Variants in NKAIN2 observed in about 807,000 individuals in gnomAD.
The protein encoded by NKAIN2 is sodium/potassium transporting ATPase interacting 2.
NKAIN2 carries 14 observed loss-of-function variants against 32.6 expected under a neutral mutation model. The observed-to-expected ratio is 0.43, with a 90% confidence interval of 0.28 to 0.67. The LOEUF is 0.67. Ranked by LOEUF, NKAIN2 falls within the 30% of genes least tolerant of loss-of-function variation. The pLI is 0.17. For synonymous variants in NKAIN2, 80 were observed against 87.2 expected (o/e 0.92, Z 0.46); for missense variants, 198 against 258.3 (o/e 0.77, Z 1.60).
At chr6:124,075,316 CA>C (rs1224300674) in intron 1 of NKAIN2, among the ~76,000 whole-genome samples, 12 of 152,090 alleles carry the variant, frequency 7.9e-5, no homozygotes, top group Admixed American at 7.2e-4. Flanking sequence ...TATAAAAAGA[CA>C]ACTGCTTCTT....
At chr6:124,432,016 A>C (rs568508707) in intron 3 of NKAIN2, among the ~76,000 whole-genome samples, 15 of 152,328 alleles carry the variant, frequency 9.8e-5, no homozygotes, top group African/African-American at 3.6e-4. Context: ...GGCTTTTAGA[A>C]ATACACAAAC....
intron 3 of NKAIN2, among the ~76,000 whole-genome samples, chr6:124,480,901 T>C (rs1777418698): frequency 6.6e-6 from 1 of 152,060 alleles, no homozygotes; most frequent in South Asian, 2.1e-4. Flanking sequence ...ACAACTGAAA[T>C]AAGATATATA....
chr6:124,523,052 A>G (rs964479648), intron 3 of NKAIN2, among the ~76,000 whole-genome samples: 3 of 100,302 alleles, frequency 3.0e-5, no homozygotes, highest in African/African-American at 5.9e-5. Flanking sequence ...CTGAGGCAGG[A>G]GAATGGCGTG....
At chr6:123,903,548 C>T (rs1774707574) in intron 1 of NKAIN2, among the ~76,000 whole-genome samples, 1 of 152,164 alleles carries the variant, frequency 6.6e-6, no homozygotes, top group Non-Finnish European at 1.5e-5. Flanking sequence ...AGAAAGTTGA[C>T]TCTGGCAACT....
At chr6:123,959,955 G>A (rs953250743) in intron 1 of NKAIN2, among the ~76,000 whole-genome samples, 3 of 150,342 alleles carry the variant, frequency 2.0e-5, no homozygotes, top group African/African-American at 7.4e-5. Flanking sequence ...GTGTGTGTGT[G>A]TGTGTGTGTG....
At chr6:124,265,894 T>A (rs891116948) in intron 1 of NKAIN2, among the ~76,000 whole-genome samples, 18 of 152,166 alleles carry the variant, frequency 1.2e-4, no homozygotes, top group African/African-American at 4.1e-4. Flanking sequence ...TGACATTGTT[T>A]CCTTCAAACA....
chr6:124,370,400 AAAG>A (rs1395675257), intron 3 of NKAIN2, among the ~76,000 whole-genome samples: 1 of 152,048 alleles, frequency 6.6e-6, no homozygotes, highest in Non-Finnish European at 1.5e-5. Flanking sequence ...AGAAGGGTAA[AAAG>A]AGGAGGATGA....
At chr6:124,333,686 C>CATAA (rs1280809592) in intron 2 of NKAIN2, among the ~76,000 whole-genome samples, 15 of 111,742 alleles carry the variant, frequency 1.3e-4, no homozygotes, top group African/African-American at 3.8e-4. Context: ...TAAATAAATA[C>CATAA]ATAAATAAAT....
intron 1 of NKAIN2, among the ~76,000 whole-genome samples, chr6:123,899,916 CACTTCACTAGA>C (rs1582741645): frequency 6.6e-6 from 1 of 152,122 alleles, no homozygotes; most frequent in East Asian, 1.9e-4. Context: ...TTGGAATTTG[CACTTCACTAGA>C]ACTGAGCCGA....
chr6:124,775,311 T>G (rs1778939126), intron 4 of NKAIN2, among the ~76,000 whole-genome samples: 1 of 152,220 alleles, frequency 6.6e-6, no homozygotes, highest in African/African-American at 2.4e-5. Context: ...CAAGCCATTC[T>G]GAACCTTCTT....
intron 1 of NKAIN2, among the ~76,000 whole-genome samples, chr6:124,167,448 A>G (rs889944423): frequency 5.3e-5 from 8 of 152,198 alleles, no homozygotes; most frequent in Admixed American, 2.6e-4. Context: ...TAGATATACA[A>G]TGATGTCATC....
chr6:124,021,200 T>A (rs1241304696), intron 1 of NKAIN2, among the ~76,000 whole-genome samples: 2 of 151,864 alleles, frequency 1.3e-5, no homozygotes, highest in Admixed American at 6.6e-5. Context: ...CAAGTACACA[T>A]TTAAAAAGTT....
chr6:124,375,394 T>G (rs903875687), intron 3 of NKAIN2, among the ~76,000 whole-genome samples: 6 of 147,728 alleles, frequency 4.1e-5, no homozygotes, highest in Non-Finnish European at 7.5e-5. Flanking sequence ...TATATATATG[T>G]ATATAAATTA....
intron 3 of NKAIN2, among the ~76,000 whole-genome samples, chr6:124,471,457 G>C (rs948830093): frequency 6.6e-6 from 1 of 152,000 alleles, no homozygotes; most frequent in Admixed American, 6.6e-5. Context: ...TATCTCATTA[G>C]TAAATCTCTG....
intron 6 of NKAIN2, among the ~76,000 whole-genome samples, chr6:124,820,950 G>A (rs1365523897): frequency 1.3e-5 from 2 of 152,104 alleles, no homozygotes; most frequent in Non-Finnish European, 2.9e-5. Context: ...GTTGAGGACT[G>A]CTGACATATA....
chr6:124,795,362 T>A (rs552274217), intron 5 of NKAIN2, among the ~76,000 whole-genome samples: 1 of 152,192 alleles, frequency 6.6e-6, no homozygotes, highest in South Asian at 2.1e-4. Flanking sequence ...GGCAGAAACC[T>A]CCAGGAAGCA....
intron 2 of NKAIN2, among the ~76,000 whole-genome samples, chr6:124,310,178 T>C (rs1228024155): frequency 6.6e-6 from 1 of 152,080 alleles, no homozygotes; most frequent in Non-Finnish European, 1.5e-5. Flanking sequence ...GAAAAGCACA[T>C]AGCTGTTTTA....
intron 1 of NKAIN2, among the ~76,000 whole-genome samples, chr6:123,809,993 A>G (rs1412382513): frequency 6.6e-6 from 1 of 152,174 alleles, no homozygotes; most frequent in Non-Finnish European, 1.5e-5. Flanking sequence ...ATAATTTGTT[A>G]TGCATTTAAA....
intron 1 of NKAIN2, among the ~76,000 whole-genome samples, chr6:123,900,570 G>A (rs1257198119): frequency 1.2e-4 from 1 of 8,288 alleles, no homozygotes; most frequent in Non-Finnish European, 1.1e-3. Flanking sequence ...TTTTTTTTTT[G>A]GTGACTTCAG....
Sources: gnomAD v4.1 joint callset for allele counts (sites outside exome capture counted in the v4.1 genomes callset) on GRCh38, gnomAD v4.1.1 for gene constraint, MANE v1.5 for transcripts, NCBI Gene and HGNC (gene_info 2026-07-23, HGNC 2026-07-21) for gene names.